Variants in ZDHHC14 observed in about 807,000 individuals in gnomAD.
ZDHHC14 encodes palmitoyltransferase ZDHHC14.
In ZDHHC14, 16 loss-of-function variants were observed where a neutral mutation model predicts 47.7. The ratio of observed to expected loss-of-function variants is 0.34; its 90% CI spans 0.23 to 0.51. The LOEUF is 0.51. ZDHHC14 is among the 20% of genes least tolerant of loss of function. The probability of loss-of-function intolerance (pLI) is 0.97; values close to 1 mark genes in which losing one functional copy is unlikely to be tolerated. For synonymous variants in ZDHHC14, 293 were observed against 278.9 expected (o/e 1.05, Z -0.50); for missense variants, 515 against 662.5 (o/e 0.78, Z 2.44).
intron 8 of ZDHHC14, among the ~76,000 whole-genome samples, chr6:157,671,443 A>G (rs930772945): frequency 6.6e-6 from 1 of 152,114 alleles, no homozygotes; most frequent in Non-Finnish European, 1.5e-5. Context: ...CCTAATATCC[A>G]TGTCTGTTCC....
chr6:157,515,431 CTTCA>C (rs1780650533), intron 1 of ZDHHC14, among the ~76,000 whole-genome samples: 1 of 151,392 alleles, frequency 6.6e-6, no homozygotes, highest in Admixed American at 6.6e-5. Flanking sequence ...TGGGCGCACC[CTTCA>C]TTTCTCTTTC....
intron 1 of ZDHHC14, among the ~76,000 whole-genome samples, chr6:157,517,604 C>T (rs1470920016): frequency 6.6e-6 from 1 of 152,192 alleles, no homozygotes; most frequent in Non-Finnish European, 1.5e-5. Flanking sequence ...AGCCACCGCG[C>T]CTGGCCTTAA....
At chr6:157,569,902 C>A (rs1185795735) in intron 2 of ZDHHC14, among the ~76,000 whole-genome samples, 1 of 151,910 alleles carries the variant, frequency 6.6e-6, no homozygotes, top group Admixed American at 6.6e-5. Flanking sequence ...TATAAAAATA[C>A]TTTTAAAGCT....
rs1554277141 is a variant in ZDHHC14 at position 157,642,072 on chromosome 6, A to AG, written c.753-3665_753-3664insG. On this transcript the variant is annotated intron_variant, in intron 5 of 8. Coordinates refer to ENST00000359775, the MANE Select transcript of ZDHHC14 (RefSeq NM_024630.3). ...TAGATAGATAGATAGATAGATAGTTATCATGTTGGAAATTAGAACTAAAAA... is the reference window on the plus strand; with the variant it reads ...TAGATAGATAGATAGATAGATAGTTAGTCATGTTGGAAATTAGAACTAAAAA... Among the ~76,000 whole-genome samples, 5 of 152,256 alleles carry AG rather than the reference A, an allele frequency of 3.3e-5. No homozygotes were observed. In the East Asian group the frequency reaches 9.6e-4, roughly 29 times the overall value.
In ZDHHC14 at chr6:157,672,789, G is replaced by A. The variant is rs760228197; in HGVS notation, c.1134G>A (p.Leu378=). 3.3e-5 allele frequency: 54 copies of A among 1,612,640 alleles called. No homozygotes were observed. Among genetic ancestry groups the A allele is most frequent in the Middle Eastern group, 3.3e-4 (2 of 6,082 alleles). ...TGCAGGCTGCAGCCACGCCCCTGCT[G>A]CAGAGCGAGCCCAGCCTCACCAGCG... ...FVLQAAATPL[L]QSEPSLTSDE... Residue 378 remains leucine (L), a synonymous_variant, in exon 9 of 9, where the codon CTG becomes CTA. Transcript: ENST00000359775.
intron 1 of ZDHHC14, among the ~76,000 whole-genome samples, chr6:157,466,438 A>G (rs562106814): frequency 4.6e-5 from 7 of 152,376 alleles, no homozygotes; most frequent in African/African-American, 1.7e-4. Context: ...GCACTCAGGA[A>G]TATTTGTTGA....
intron 1 of ZDHHC14, among the ~76,000 whole-genome samples, chr6:157,407,344 G>A (rs528954676): frequency 2.5e-4 from 38 of 152,280 alleles, no homozygotes; most frequent in African/African-American, 7.7e-4. Flanking sequence ...AGGCAGCAGC[G>A]CAGAGGTGGT....
chr6:157,458,046 C>A (rs771709557), intron 1 of ZDHHC14, among the ~76,000 whole-genome samples: 29 of 152,246 alleles, frequency 1.9e-4, no homozygotes, highest in Admixed American at 6.5e-4. Context: ...CTGCCCCCCA[C>A]TTTCCATCCC....
chr6:157,426,809 G>A (rs1178226400), intron 1 of ZDHHC14, among the ~76,000 whole-genome samples: 2 of 152,196 alleles, frequency 1.3e-5, no homozygotes, highest in African/African-American at 2.4e-5. Flanking sequence ...GAGAGAAGCC[G>A]GGAAGCCGTC....
intron 6 of ZDHHC14, among the ~76,000 whole-genome samples, chr6:157,646,882 G>A (rs909352568): frequency 6.6e-6 from 1 of 152,130 alleles, no homozygotes; most frequent in East Asian, 1.9e-4. Flanking sequence ...GTCACAAGAA[G>A]AGGCTGAATT....
Position 157,381,603 on chromosome 6 carries a change from C to T in ZDHHC14, c.-419C>T, listed in dbSNP as rs2114724734. On this transcript the variant is annotated 5_prime_UTR_variant, in exon 1 of 9. Transcript: ENST00000359775. ...GCGCCGGGGCCGCCGCCTCGTGTCC[C>T]CTCGGGGCGCAGTGCTCGGGGGTCG... The T allele has an allele frequency of 2.6e-6, 1 of 382,696 alleles. No homozygotes were observed. The highest frequency in any genetic ancestry group is 2.2e-5 in the African/African-American group (1 of 45,258). The allele number at this position is 382,696 out of a possible 1,614,324, so 23.7% of individuals were successfully genotyped here.
At chr6:157,399,507 A>G (rs994299394) in intron 1 of ZDHHC14, among the ~76,000 whole-genome samples, 4 of 152,178 alleles carry the variant, frequency 2.6e-5, no homozygotes, top group African/African-American at 9.7e-5. Context: ...TGCTCATAAC[A>G]GTCTGGTTTC....
chr6:157,561,075 T>C (rs1782688426), intron 2 of ZDHHC14, among the ~76,000 whole-genome samples: 1 of 152,218 alleles, frequency 6.6e-6, no homozygotes, highest in Non-Finnish European at 1.5e-5. Context: ...GGAGCCCAGG[T>C]CCTCAGAGCG....
Position 157,645,653 on chromosome 6 carries a change from C to T in ZDHHC14, c.753-84C>T, listed in dbSNP as rs1039434406. 6.2e-5 allele frequency: 65 copies of T among 1,053,190 alleles called. 1 individual carries two copies. The highest frequency in any genetic ancestry group is 5.3e-4 in the East Asian group (21 of 39,464). The allele number at this position is 1,053,190 out of a possible 1,614,324, so 65.2% of individuals were successfully genotyped here. ...CAGCAACTAGAGAGAGGCCTGTGCC[C>T]GGGGGTGTTTCGGTTCCAGGCCTCC... On this transcript the variant is annotated intron_variant, in intron 5 of 8. Transcript: ENST00000359775.
chr6:157,534,835 C>T (rs1043105451), intron 1 of ZDHHC14, among the ~76,000 whole-genome samples: 2 of 152,120 alleles, frequency 1.3e-5, no homozygotes, highest in African/African-American at 4.8e-5. Flanking sequence ...AAGCAATCTG[C>T]CCACCTCAGC....
chr6:157,552,697 G>A (rs1438342535), intron 2 of ZDHHC14, among the ~76,000 whole-genome samples: 1 of 152,212 alleles, frequency 6.6e-6, no homozygotes, highest in African/African-American at 2.4e-5. Context: ...GCTGAGCCCA[G>A]GAGGGGACTT....
At chr6:157,418,005 C>T (rs1583627653) in intron 1 of ZDHHC14, among the ~76,000 whole-genome samples, 1 of 151,668 alleles carries the variant, frequency 6.6e-6, no homozygotes, top group African/African-American at 2.4e-5. Flanking sequence ...GACTGCAGGA[C>T]CTGTTGGTCC....
chr6:157,628,130 G>T (rs1785512007), intron 3 of ZDHHC14, among the ~76,000 whole-genome samples: 1 of 152,146 alleles, frequency 6.6e-6, no homozygotes, highest in Non-Finnish European at 1.5e-5. Context: ...CATATGCTTT[G>T]TTTTTTCAAA....
At chr6:157,602,929 TCAAA>T (rs1264748156) in intron 3 of ZDHHC14, among the ~76,000 whole-genome samples, 1 of 152,164 alleles carries the variant, frequency 6.6e-6, no homozygotes, top group East Asian at 1.9e-4. Flanking sequence ...TAAAAATCAA[TCAAA>T]CAATCTAATC....
Sources: allele counts gnomAD v4.1 joint callset (sites outside exome capture counted in the v4.1 genomes callset), GRCh38; gene constraint gnomAD v4.1.1; transcripts MANE v1.5; gene names NCBI Gene and HGNC (gene_info 2026-07-23, HGNC 2026-07-21).